Variants in FBXL17 observed in about 807,000 individuals in gnomAD.
FBXL17 encodes F-box/LRR-repeat protein 17.
Under a neutral mutation model 66.2 loss-of-function variants are expected in FBXL17, and 22 were observed. The ratio of observed to expected loss-of-function variants is 0.33; its 90% CI spans 0.24 to 0.47. The LOEUF (loss-of-function observed/expected upper bound fraction) is 0.47. FBXL17 is among the 20% of genes least tolerant of loss of function. FBXL17 has a pLI of 1.00. For synonymous variants in FBXL17, 474 were observed against 400.5 expected, an observed-to-expected ratio of 1.18 and a Z score of -2.19; for missense variants, 878 against 948.2, an observed-to-expected ratio of 0.93 and a Z score of 0.97.
intron 6 of FBXL17, among the ~76,000 whole-genome samples, chr5:108,147,341 G>A (rs1004812194): frequency 1.3e-5 from 2 of 152,274 alleles, no homozygotes; most frequent in East Asian, 1.9e-4. Context: ...AAACTACTGT[G>A]TTTAGATGAA....
intron 7 of FBXL17, among the ~76,000 whole-genome samples, chr5:107,924,392 A>G (rs1003339024): frequency 1.4e-4 from 21 of 152,194 alleles, no homozygotes; most frequent in African/African-American, 4.3e-4. Context: ...GAAAATATTT[A>G]TTACATGTAA....
At chr5:108,026,119 T>G (rs564306457) in intron 6 of FBXL17, among the ~76,000 whole-genome samples, 2 of 152,204 alleles carry the variant, frequency 1.3e-5, no homozygotes, top group Non-Finnish European at 2.9e-5. Context: ...TTCGAGAATC[T>G]ATTAATACAC....
At chr5:107,864,503 C>T (rs1748218533) in intron 8 of FBXL17, among the ~76,000 whole-genome samples, 1 of 152,106 alleles carries the variant, frequency 6.6e-6, no homozygotes. Context: ...GATATTTGTC[C>T]CCTTCCCATC....
intron 8 of FBXL17, among the ~76,000 whole-genome samples, chr5:107,876,923 AT>A: frequency 6.6e-6 from 1 of 152,316 alleles, no homozygotes; most frequent in African/African-American, 2.4e-5. Flanking sequence ...TTACACAAGT[AT>A]TTTTAAGTAA....
intron 6 of FBXL17, among the ~76,000 whole-genome samples, chr5:108,028,626 T>C (rs892009894): frequency 2.6e-5 from 4 of 152,146 alleles, no homozygotes; most frequent in South Asian, 2.1e-4. Flanking sequence ...GCTTCAATAC[T>C]AGTTTTGTGC....
intron 4 of FBXL17, among the ~76,000 whole-genome samples, chr5:108,293,347 T>A (rs1486430683): frequency 6.6e-6 from 1 of 152,162 alleles, no homozygotes. Flanking sequence ...AGCTTTCACA[T>A]CTAAAACAAA....
intron 6 of FBXL17, among the ~76,000 whole-genome samples, chr5:108,061,420 A>G (rs1179186868): frequency 6.6e-6 from 1 of 152,202 alleles, no homozygotes; most frequent in Non-Finnish European, 1.5e-5. Flanking sequence ...AAGAGAAGAG[A>G]GAAAATGAGC....
Position 108,208,305 on chromosome 5 carries a change from CTTTAG to C in FBXL17, c.1614+15811_1614+15815del, listed in dbSNP as rs1356133878. Among the ~76,000 whole-genome samples the C allele has an allele frequency of 3.3e-5, 5 of 152,302 alleles. No individual in the cohort carries two copies. The East Asian group carries it at 9.6e-4, about 29-fold the overall frequency. ...TAATTTCTTTCACTGTGCAGAAGCT[CTTTAG>C]TTTAATTAAATCCCATTTGTCTATT... On this transcript the variant is annotated intron_variant, in intron 5 of 8. Transcript: ENST00000542267.
chr5:107,889,062 G>A (rs1425105894), intron 7 of FBXL17, among the ~76,000 whole-genome samples: 5 of 151,988 alleles, frequency 3.3e-5, no homozygotes, highest in Non-Finnish European at 7.4e-5. Context: ...CTTCTCGTGG[G>A]TTTTAATTTC....
chr5:108,036,090 G>A (rs1445302843), intron 6 of FBXL17, among the ~76,000 whole-genome samples: 4 of 152,298 alleles, frequency 2.6e-5, no homozygotes, highest in Admixed American at 6.5e-5. Context: ...ACTGCTGACC[G>A]TACTGGCACC....
At chr5:108,131,174 AATT>A (rs1166908410) in intron 6 of FBXL17, among the ~76,000 whole-genome samples, 2 of 152,158 alleles carry the variant, frequency 1.3e-5, no homozygotes, top group African/African-American at 2.4e-5. Flanking sequence ...AACCCCAGTA[AATT>A]ATTACTTCCT....
intron 7 of FBXL17, among the ~76,000 whole-genome samples, chr5:107,940,370 G>A (rs774581565): frequency 2.6e-5 from 4 of 152,056 alleles, no homozygotes; most frequent in Non-Finnish European, 5.9e-5. Context: ...TTTGGAGGAG[G>A]GGGACACATG....
chr5:108,368,170 G>A (rs1303741431), intron 1 of FBXL17, among the ~76,000 whole-genome samples: 3 of 152,050 alleles, frequency 2.0e-5, no homozygotes, highest in Middle Eastern at 3.4e-3. Flanking sequence ...AAGAAGAGGA[G>A]GGGAAGAGAA....
chr5:107,950,885 C>CAGAG (rs1241232970), intron 7 of FBXL17, among the ~76,000 whole-genome samples: 10 of 152,182 alleles, frequency 6.6e-5, no homozygotes, highest in Admixed American at 6.5e-4. Context: ...AACAACATCA[C>CAGAG]AGAGAGATTC....
Position 107,964,003 on chromosome 5 carries a change from A to G in FBXL17, c.1822+56922T>C, listed in dbSNP as rs187559948. 4.6e-5 allele frequency among the ~76,000 whole-genome samples: 7 copies of G among 152,266 alleles called. No individual in the cohort carries two copies. The East Asian group carries it at 1.4e-3, about 29-fold the overall frequency. On this transcript the variant is annotated intron_variant, in intron 7 of 8. Transcript: ENST00000542267. ...ACAATGGAGACCTAACACATTTATCACTTAGGCAAATGTCCAAACAAAGTT... is the reference window on the plus strand; with the variant it reads ...ACAATGGAGACCTAACACATTTATCGCTTAGGCAAATGTCCAAACAAAGTT...
chr5:108,114,611 CAG>C, intron 6 of FBXL17, among the ~76,000 whole-genome samples: 1 of 152,202 alleles, frequency 6.6e-6, no homozygotes, highest in Middle Eastern at 3.4e-3. Flanking sequence ...CTATGTATAT[CAG>C]AAAGACATTC....
intron 1 of FBXL17, among the ~76,000 whole-genome samples, chr5:108,370,317 C>T (rs73781341): frequency 0.025 from 3,784 of 152,140 alleles, 156 homozygotes; most frequent in African/African-American, 0.088. Context: ...AATGACTTAC[C>T]TCTATATGGA....
chr5:107,977,786 A>G (rs1752638870), intron 7 of FBXL17, among the ~76,000 whole-genome samples: 3 of 152,270 alleles, frequency 2.0e-5, no homozygotes, highest in Admixed American at 2.0e-4. Context: ...AACCCGGCAC[A>G]TAGTTTGTTC....
intron 1 of FBXL17, among the ~76,000 whole-genome samples, chr5:108,368,527 C>T (rs551914258): frequency 6.6e-6 from 1 of 152,004 alleles, no homozygotes; most frequent in East Asian, 1.9e-4. Context: ...CTACAAAATA[C>T]TGGATCAAAA....
Sources: gnomAD v4.1 joint callset for allele counts (sites outside exome capture counted in the v4.1 genomes callset) on GRCh38, gnomAD v4.1.1 for gene constraint, MANE v1.5 for transcripts, NCBI Gene and HGNC (gene_info 2026-07-23, HGNC 2026-07-21) for gene names.